Variants in DIAPH3 observed in about 807,000 individuals in gnomAD.
The protein encoded by DIAPH3 is diaphanous related formin 3, also known as protein diaphanous homolog 3.
In DIAPH3, 117 loss-of-function variants were observed where a neutral mutation model predicts 144.3. The ratio of observed to expected loss-of-function variants is 0.81; its 90% CI spans 0.70 to 0.95. The LOEUF is 0.95. DIAPH3 is among the 40% of genes least tolerant of loss of function. DIAPH3 has a pLI of 0.00. For synonymous variants in DIAPH3, 519 were observed against 488.9 expected (o/e 1.06, Z -0.81); for missense variants, 1,421 against 1,412.7 (o/e 1.01, Z -0.09).
rs372950752 is a variant in DIAPH3, at chr13:59,882,249, C to T, written c.2368-2781G>A. Among the ~76,000 whole-genome samples the T allele has an allele frequency of 2.3e-3, 347 of 152,108 alleles. 2 individuals are homozygous for T. The highest frequency in any genetic ancestry group is 7.6e-3 in the African/African-American group (315 of 41,524). On this transcript the variant is annotated intron_variant, in intron 20 of 27. Coordinates refer to ENST00000400324, the MANE Select transcript of DIAPH3 (RefSeq NM_001042517.2). The stretch of plus-strand genomic sequence containing the variant: ...GATTACAGCCATGAGCCACCACGCC[C>T]GGCTAATTTTTTGTATTTTTAGTAG...
At chr13:59,799,588 G>C (rs981314232) in intron 25 of DIAPH3, among the ~76,000 whole-genome samples, 1 of 152,162 alleles carries the variant, frequency 6.6e-6, no homozygotes, top group Admixed American at 6.5e-5. Flanking sequence ...AAACAAACTT[G>C]ACATATGTCA....
intron 17 of DIAPH3, among the ~76,000 whole-genome samples, chr13:59,967,584 G>A (rs1371820471): frequency 6.6e-6 from 1 of 152,046 alleles, no homozygotes; most frequent in Non-Finnish European, 1.5e-5. Context: ...CCTATTAAAT[G>A]TCTATATAAA....
chr13:60,076,794 T>G (rs926709260), intron 4 of DIAPH3, among the ~76,000 whole-genome samples: 9 of 152,286 alleles, frequency 5.9e-5, no homozygotes, highest in African/African-American at 1.4e-4. Flanking sequence ...ATTTTGCCAC[T>G]AATCTTAAAT....
intron 17 of DIAPH3, among the ~76,000 whole-genome samples, chr13:59,954,846 C>T (rs371648306): frequency 8.7e-4 from 133 of 152,040 alleles, no homozygotes; most frequent in African/African-American, 2.8e-3. Context: ...CATGAGAACT[C>T]AATCATGAGG....
chr13:59,756,764 T>C (rs1237531358), intron 27 of DIAPH3, among the ~76,000 whole-genome samples: 1 of 152,234 alleles, frequency 6.6e-6, no homozygotes, highest in Non-Finnish European at 1.5e-5. Context: ...GATTTAGGTC[T>C]GTCTCTGATT....
chr13:59,971,425 G>A (rs940636581), intron 15 of DIAPH3, among the ~76,000 whole-genome samples: 6 of 152,066 alleles, frequency 3.9e-5, no homozygotes, highest in Non-Finnish European at 8.8e-5. Context: ...AGGTAGAAAT[G>A]TCCAGGAGGG....
intron 25 of DIAPH3, 111 bp downstream of exon 25, chr13:59,810,677 A>G: frequency 8.5e-7 from 1 of 1,182,744 alleles, no homozygotes; most frequent in South Asian, 1.4e-5. Context: ...TTAATTACAG[A>G]AACAAGTGGT....
At chr13:59,894,025 C>T (rs575533824) in intron 20 of DIAPH3, among the ~76,000 whole-genome samples, 2 of 151,994 alleles carry the variant, frequency 1.3e-5, no homozygotes, top group Non-Finnish European at 2.9e-5. Context: ...AAATTGGTAG[C>T]CTTTCAATAA....
intron 24 of DIAPH3, among the ~76,000 whole-genome samples, chr13:59,815,441 C>T (rs1441086261): frequency 6.6e-6 from 1 of 152,032 alleles, no homozygotes; most frequent in Non-Finnish European, 1.5e-5. Flanking sequence ...CTTCTGTGAA[C>T]AGCATGTGGC....
chr13:59,777,571 C>A (rs941731709), intron 25 of DIAPH3, among the ~76,000 whole-genome samples: 2 of 152,130 alleles, frequency 1.3e-5, no homozygotes, highest in African/African-American at 4.8e-5. Flanking sequence ...TAGATACCAC[C>A]TTATCCAAAT....
chr13:59,993,220 T>A (rs1341720264), intron 9 of DIAPH3, among the ~76,000 whole-genome samples: 3 of 151,832 alleles, frequency 2.0e-5, no homozygotes, highest in Non-Finnish European at 4.4e-5. Context: ...ATGATAAAAA[T>A]TTTTAAATCA....
chr13:60,005,764 A>T (rs185500790), intron 9 of DIAPH3, among the ~76,000 whole-genome samples: 1 of 152,300 alleles, frequency 6.6e-6, no homozygotes, highest in East Asian at 1.9e-4. Context: ...TACAGGCATG[A>T]GCCACCACAA....
chr13:59,743,348 A>C (rs2139063760), intron 27 of DIAPH3, among the ~76,000 whole-genome samples: 1 of 152,318 alleles, frequency 6.6e-6, no homozygotes, highest in East Asian at 1.9e-4. Context: ...AGAATAAATC[A>C]TGCTTGGTGA....
At chr13:60,078,684 A>G (rs2057453420) in intron 4 of DIAPH3, among the ~76,000 whole-genome samples, 1 of 152,000 alleles carries the variant, frequency 6.6e-6, no homozygotes, top group African/African-American at 2.4e-5. Flanking sequence ...TTTCAGATGA[A>G]ATATTAATAC....
intron 2 of DIAPH3, among the ~76,000 whole-genome samples, chr13:60,129,059 A>C (rs2059068639): frequency 6.6e-6 from 1 of 152,174 alleles, no homozygotes; most frequent in East Asian, 1.9e-4. Context: ...TCATAGAAGT[A>C]CTATACTGTA....
At chr13:60,004,049 C>T (rs537615935) in intron 9 of DIAPH3, among the ~76,000 whole-genome samples, 1 of 152,174 alleles carries the variant, frequency 6.6e-6, no homozygotes, top group African/African-American at 2.4e-5. Context: ...TCTCCTTATT[C>T]TCCTTTAAAA....
chr13:59,984,139 C>A (rs1252225577), intron 12 of DIAPH3, among the ~76,000 whole-genome samples: 1 of 151,540 alleles, frequency 6.6e-6, no homozygotes, highest in Non-Finnish European at 1.5e-5. Flanking sequence ...TTATAAAAGT[C>A]AAAACCTTGA....
At chr13:59,813,738 T>C (rs1036489134) in intron 24 of DIAPH3, among the ~76,000 whole-genome samples, 1 of 151,246 alleles carries the variant, frequency 6.6e-6, no homozygotes, top group African/African-American at 2.4e-5. Flanking sequence ...CCTGTAGTCC[T>C]AGCTACTCAG....
At chr13:60,127,926 T>C (rs1490248026) in intron 2 of DIAPH3, among the ~76,000 whole-genome samples, 1 of 152,170 alleles carries the variant, frequency 6.6e-6, no homozygotes, top group Non-Finnish European at 1.5e-5. Context: ...ACTTTTAGGT[T>C]CAGAGGTACA....
Sources: gnomAD v4.1 joint callset for allele counts (sites outside exome capture counted in the v4.1 genomes callset) on GRCh38, gnomAD v4.1.1 for gene constraint, MANE v1.5 for transcripts, NCBI Gene and HGNC (gene_info 2026-07-23, HGNC 2026-07-21) for gene names.